USP18: variants seen among roughly 807,000 people sequenced by gnomAD.
USP18 encodes ubl carboxyl-terminal hydrolase 18.
A neutral mutation model predicts 48.7 loss-of-function variants in USP18; 11 were observed. The ratio of observed to expected loss-of-function variants is 0.23; its 90% CI spans 0.14 to 0.37. USP18 has a LOEUF of 0.37. USP18 is among the 10% of genes least tolerant of loss of function. USP18 has a pLI of 1.00. For synonymous variants in USP18, 114 were observed against 163.2 expected (o/e 0.70, Z 2.30); for missense variants, 285 against 436.4 (o/e 0.65, Z 3.09).
Position 18,157,728 on chromosome 22 carries a change from C to T in USP18, c.65C>T (p.Ser22Phe), listed in dbSNP as rs774730014. The T allele has an allele frequency of 2.4e-5, 39 of 1,613,892 alleles. No individual in the cohort carries two copies. The highest frequency in any genetic ancestry group is 2.9e-5 in the Non-Finnish European group (34 of 1,180,016). ...TCCATCCTGGCTGAGTCCTCGCAGT[C>T]CCCGGCAGATCTTGAAGAAAAGAAG... ...CQSILAESSQ[S>F]PADLEEKKEE... is the part of the protein sequence containing the mutation. Residue 22 changes from serine (S) to phenylalanine (F), a missense_variant, in exon 2 of 11, where the codon TCC (serine) becomes TTC (phenylalanine). By Grantham distance (155) the Ser-to-Phe change is radical. Around this residue, in one of 5 missense-constraint regions of USP18, gnomAD observed 199 missense variants for 239.6 expected, o/e 0.83. Coordinates refer to ENST00000215794, the MANE Select transcript of USP18 (RefSeq NM_017414.4).
At chr22:18,160,291 T>C in intron 3 of USP18, 23 bp downstream of exon 3, 2 of 1,613,306 alleles carry the variant, frequency 1.2e-6, no homozygotes, top group Non-Finnish European at 1.7e-6. Context: ...TTCAGGCTGA[T>C]GAGCATTTGT....
intron 6 of USP18, among the ~76,000 whole-genome samples, chr22:18,169,236 G>A (rs3994301): frequency 0.4 from 60,832 of 151,110 alleles, 13,332 homozygotes; most frequent in African/African-American, 0.58. Context: ...CCCCCGTGGT[G>A]CTGTCTTTGT....
At chr22:18,173,370 C>T (rs1311826681) in intron 9 of USP18, 89 bp downstream of exon 9, 1 of 1,564,948 alleles carries the variant, frequency 6.4e-7, no homozygotes, top group Non-Finnish European at 8.7e-7. Flanking sequence ...TCTCTGAGAT[C>T]AAGACACACT....
rs1188020174 is a variant in USP18 at position 18,168,047 on chromosome 22, T to C, written c.627+11T>C. ...CCCCTGAAGACACTGGTAAGGGGATTCTCTTGGTATTTGCTGCCCCTGTAT... is the reference window on the plus strand; with the variant it reads ...CCCCTGAAGACACTGGTAAGGGGATCCTCTTGGTATTTGCTGCCCCTGTAT... On this transcript the variant is annotated intron_variant, in intron 6 of 10. Transcript: ENST00000215794. 1 of 1,613,704 alleles carries C rather than the reference T, an allele frequency of 6.2e-7. No individual in the cohort carries two copies. Among genetic ancestry groups the C allele is most frequent in the East Asian group, 2.2e-5 (1 of 44,870 alleles).
intron 5 of USP18, 21 bp downstream of exon 5, chr22:18,167,355 C>T (rs1473711010): frequency 1.9e-5 from 31 of 1,612,822 alleles, no homozygotes; most frequent in African/African-American, 4.0e-5. Flanking sequence ...AGAACCAGAG[C>T]ACTCGGAAGC....
intron 2 of USP18, among the ~76,000 whole-genome samples, chr22:18,158,481 G>T (rs923078942): frequency 6.6e-6 from 1 of 152,092 alleles, no homozygotes; most frequent in African/African-American, 2.4e-5. Context: ...GATAGTCTGG[G>T]AGTAGAAATC....
rs746925058 is a variant in USP18 at position 18,157,680 on chromosome 22, G to T, written c.17G>T (p.Gly6Val). Residue 6 changes from glycine to valine, a missense_variant, in exon 2 of 11, where the codon GGG (glycine) becomes GTG (valine). Gly to Val is a moderately radical substitution (Grantham distance 109). This residue lies in a region of USP18 where 199 missense variants were observed against 239.6 expected (regional missense o/e 0.83). Coordinates refer to ENST00000215794, the MANE Select transcript of USP18 (RefSeq NM_017414.4). ...TGATCACGAATGAGCAAGGCGTTTG[G>T]GCTCCTGAGGCAAATCTGTCAGTCC... Reference protein sequence around the residue: MSKAFGLLRQICQSIL... With the variant: MSKAFVLLRQICQSIL... 2 of 1,613,974 alleles carry T rather than the reference G, an allele frequency of 1.2e-6. No homozygotes were observed. The highest frequency in any genetic ancestry group is 1.3e-5 in the African/African-American group (1 of 74,910).
intron 9 of USP18, 113 bp downstream of exon 9, chr22:18,173,394 C>T: frequency 3.4e-6 from 5 of 1,479,074 alleles, no homozygotes; most frequent in South Asian, 1.4e-5. Context: ...ATCCTGCTGT[C>T]TGGGTGTGGG....
At chr22:18,172,253 C>A (rs9617684) in intron 8 of USP18, among the ~76,000 whole-genome samples, 1 of 152,176 alleles carries the variant, frequency 6.6e-6, no homozygotes, top group Non-Finnish European at 1.5e-5. Flanking sequence ...CTTGTTTCAC[C>A]CAACCCTGTA....
chr22:18,156,239 G>A (rs1164064158), intron 1 of USP18, among the ~76,000 whole-genome samples: 1 of 150,858 alleles, frequency 6.6e-6, no homozygotes, highest in Non-Finnish European at 1.5e-5. Flanking sequence ...CTGTCAAAAC[G>A]GACCAATCAG....
intron 1 of USP18, among the ~76,000 whole-genome samples, chr22:18,155,972 G>A (rs1929124076): frequency 6.6e-6 from 1 of 152,266 alleles, no homozygotes; most frequent in African/African-American, 2.4e-5. Flanking sequence ...GGGACTTGGA[G>A]AATCTTTATG....
intron 2 of USP18, among the ~76,000 whole-genome samples, 157 bp from the exon 3 acceptor site, chr22:18,160,015 T>C (rs930307046): frequency 6.6e-6 from 1 of 152,100 alleles, no homozygotes; most frequent in Non-Finnish European, 1.5e-5. Flanking sequence ...GGTTTTACCA[T>C]GTTGGCCAGG....
chr22:18,161,796 G>A lies in USP18; in HGVS notation c.261G>A (p.Thr87=), dbSNP rs746308484. The A allele has an allele frequency of 1.4e-5, 23 of 1,598,238 alleles. No homozygotes were observed. Among genetic ancestry groups the A allele is most frequent in the South Asian group, 2.3e-5 (2 of 88,884 alleles). ...VDFTRILKRI[T]VPRGADEQRR... ...GGCTGTTCTTGTGTGGCAGGATCAC[G>A]GTGCCCAGGGGAGCTGACGAGCAGA... Residue 87 remains threonine, a synonymous_variant, in exon 4 of 11, where the codon ACG becomes ACA. Transcript: ENST00000215794.
Position 18,168,031 on chromosome 22 carries a change from A to G in USP18, c.622A>G (p.Thr208Ala). ...LFDVDSKPLK[T>A]LEDALHCFFQ... ...TGATGTGGACTCAAAGCCCCTGAAG[A>G]CACTGGTAAGGGGATTCTCTTGGTA... The change falls in exon 6 of 11, where the codon ACA (threonine) becomes GCA (alanine). Residue 208 changes from threonine (T) to alanine (A), a missense_variant. By Grantham distance (58) the Thr-to-Ala change is moderately conservative (BLOSUM62 0). Transcript: ENST00000215794. 6.2e-7 allele frequency: 1 copy of G among 1,614,048 alleles called. No individual in the cohort carries two copies. Among genetic ancestry groups the G allele is most frequent in the South Asian group, 1.1e-5 (1 of 91,070 alleles).
chr22:18,157,703 T>G lies in USP18; in HGVS notation c.40T>G (p.Ser14Ala), dbSNP rs769635430. The G allele has an allele frequency of 1.2e-6, 2 of 1,613,878 alleles. No individual in the cohort carries two copies. Among genetic ancestry groups the G allele is most frequent in the Middle Eastern group, 1.6e-4 (1 of 6,084 alleles). ...AFGLLRQICQ[S>A]ILAESSQSPA... ...TGGGCTCCTGAGGCAAATCTGTCAG[T>G]CCATCCTGGCTGAGTCCTCGCAGTC... The change falls in exon 2 of 11, where the codon TCC (serine) becomes GCC (alanine). Residue 14 changes from serine to alanine, a missense_variant. Physicochemically the swap from Ser to Ala is moderately conservative, Grantham distance 99. Coordinates refer to ENST00000215794, the MANE Select transcript of USP18 (RefSeq NM_017414.4).
At chr22:18,157,965 G>C (rs1929218169) in intron 2 of USP18, 145 bp downstream of exon 2, 1 of 1,217,704 alleles carries the variant, frequency 8.2e-7, no homozygotes, top group Non-Finnish European at 1.1e-6. Context: ...TGGGGATACA[G>C]CCTGGGCCAT....
chr22:18,167,799 G>A (rs1929518584), intron 5 of USP18, 91 bp from the exon 6 acceptor site: 2 of 1,448,354 alleles, frequency 1.4e-6, no homozygotes, highest in Non-Finnish European at 1.9e-6. Context: ...TTTGTGAGGA[G>A]CTTCTGTCTC....
intron 1 of USP18, among the ~76,000 whole-genome samples, chr22:18,154,331 A>G (rs1335162820): frequency 2.6e-5 from 4 of 152,158 alleles, no homozygotes; most frequent in African/African-American, 9.7e-5. Flanking sequence ...AAATGGAAAT[A>G]TAACAGTAAT....
chr22:18,168,755 G>A (rs1929551446), intron 6 of USP18, among the ~76,000 whole-genome samples: 1 of 152,068 alleles, frequency 6.6e-6, no homozygotes, highest in Non-Finnish European at 1.5e-5. Flanking sequence ...CCTGGGTTTT[G>A]GGGAGGACAA....
Sources: allele counts gnomAD v4.1 joint callset (sites outside exome capture counted in the v4.1 genomes callset), GRCh38; gene constraint gnomAD v4.1.1; regional missense constraint gnomAD v4.1.1; transcripts MANE v1.5; gene names NCBI Gene and HGNC (gene_info 2026-07-23, HGNC 2026-07-21).